Variants in RBFOX1 observed in about 807,000 individuals in gnomAD.
The protein encoded by RBFOX1 is RNA binding fox-1 homolog 1, also known as RNA binding protein fox-1 homolog 1.
In RBFOX1, 8 loss-of-function variants were observed where a neutral mutation model predicts 57.7. The ratio of observed to expected loss-of-function variants is 0.14; its 90% CI spans 0.08 to 0.25. The LOEUF (loss-of-function observed/expected upper bound fraction) is 0.25. Among genes scored for constraint, RBFOX1 ranks in the 10% least tolerant of loss-of-function variants. The pLI is 1.00. For synonymous variants in RBFOX1, 326 were observed against 222.4 expected (o/e 1.47, Z -4.15); for missense variants, 611 against 548.5 (o/e 1.11, Z -1.14).
intron 1 of RBFOX1, among the ~76,000 whole-genome samples, chr16:5,342,115 C>A (rs955538246): frequency 2.0e-5 from 3 of 152,136 alleles, no homozygotes; most frequent in African/African-American, 7.2e-5. Flanking sequence ...ACCTGTTGAC[C>A]TATTGGAGAG....
chr16:6,680,274 CTTTTTT>C (rs1180378585), intron 3 of RBFOX1, among the ~76,000 whole-genome samples: 18 of 88,934 alleles, frequency 2.0e-4, no homozygotes, highest in East Asian at 3.2e-4. Context: ...TTCTCTCTCT[CTTTTTT>C]TTTTTTTTTT....
chr16:6,479,050 G>C (rs2153092658), intron 2 of RBFOX1, among the ~76,000 whole-genome samples: 1 of 152,306 alleles, frequency 6.6e-6, no homozygotes, highest in South Asian at 2.1e-4. Context: ...TATCTGCAAA[G>C]CATGATAAAG....
At chr16:6,809,681 G>C (rs991963248) in intron 3 of RBFOX1, among the ~76,000 whole-genome samples, 3 of 152,160 alleles carry the variant, frequency 2.0e-5, no homozygotes, top group African/African-American at 7.2e-5. Flanking sequence ...GGTGAGATAC[G>C]TAGAGCTGCA....
chr16:5,658,301 A>G (rs1299662910), intron 3 of RBFOX1, among the ~76,000 whole-genome samples: 6 of 152,158 alleles, frequency 3.9e-5, no homozygotes, highest in Admixed American at 3.9e-4. Context: ...ATCCTGAGCC[A>G]AGGGGAGCAA....
At chr16:7,585,508 A>G (rs2094060124) in intron 6 of RBFOX1, among the ~76,000 whole-genome samples, 1 of 152,188 alleles carries the variant, frequency 6.6e-6, no homozygotes, top group Admixed American at 6.5e-5. Context: ...TTCTCTGAAC[A>G]GAAGTGCTGG....
intron 4 of RBFOX1, among the ~76,000 whole-genome samples, chr16:5,971,451 T>C (rs890821578): frequency 2.6e-5 from 4 of 152,150 alleles, no homozygotes; most frequent in Non-Finnish European, 5.9e-5. Context: ...TTGTTTTTGT[T>C]TTTTTCCCCC....
chr16:6,811,054 C>T (rs1452557053), intron 3 of RBFOX1, among the ~76,000 whole-genome samples: 1 of 152,150 alleles, frequency 6.6e-6, no homozygotes, highest in East Asian at 1.9e-4. Context: ...ATAAGATACC[C>T]CGAAAAACAC....
chr16:6,239,267 C>G (rs1003653222), intron 1 of RBFOX1, among the ~76,000 whole-genome samples: 1 of 152,018 alleles, frequency 6.6e-6, no homozygotes, highest in East Asian at 1.9e-4. Flanking sequence ...TTAATCTCCC[C>G]TCGCAGACTT....
At chr16:5,449,636 G>C (rs1285768878) in intron 1 of RBFOX1, among the ~76,000 whole-genome samples, 2 of 152,018 alleles carry the variant, frequency 1.3e-5, no homozygotes, top group Non-Finnish European at 2.9e-5. Context: ...TTGAGACAGG[G>C]TTTCTCTCGG....
intron 2 of RBFOX1, among the ~76,000 whole-genome samples, chr16:6,375,253 A>T (rs1299181695): frequency 3.3e-5 from 5 of 152,030 alleles, no homozygotes; most frequent in African/African-American, 9.7e-5. Context: ...TCATTCTCTG[A>T]TGTCTTTTAT....
intron 2 of RBFOX1, among the ~76,000 whole-genome samples, chr16:6,619,708 T>A (rs1249314019): frequency 3.1e-5 from 4 of 130,318 alleles, no homozygotes; most frequent in Non-Finnish European, 6.6e-5. Context: ...TTTTTTTTTT[T>A]AATAACTTTC....
At chr16:7,693,243 C>T in intron 14 of RBFOX1, 1 of 1,324,448 alleles carries the variant, frequency 7.6e-7, no homozygotes, top group African/African-American at 1.4e-5. Context: ...CATCTGTACA[C>T]ATCGAAGCAA....
intron 4 of RBFOX1, among the ~76,000 whole-genome samples, chr16:7,148,730 G>T (rs1567459030): frequency 6.6e-6 from 1 of 152,190 alleles, no homozygotes; most frequent in Admixed American, 6.5e-5. Flanking sequence ...TGAGGCAATC[G>T]TTTGAGCAGA....
intron 4 of RBFOX1, among the ~76,000 whole-genome samples, chr16:7,420,257 C>T (rs1158573043): frequency 1.3e-5 from 2 of 152,140 alleles, no homozygotes; most frequent in Non-Finnish European, 2.9e-5. Context: ...AATAGCCTCT[C>T]GTCCTATTAG....
At chr16:6,857,943 T>A (rs918353432) in intron 3 of RBFOX1, among the ~76,000 whole-genome samples, 2 of 152,182 alleles carry the variant, frequency 1.3e-5, no homozygotes, top group African/African-American at 4.8e-5. Context: ...TTTTTAAGCA[T>A]CAAGACAATA....
intron 3 of RBFOX1, among the ~76,000 whole-genome samples, chr16:6,824,623 T>G (rs910111990): frequency 1.3e-5 from 2 of 152,178 alleles, no homozygotes; most frequent in Non-Finnish European, 2.9e-5. Flanking sequence ...CAGATTACTC[T>G]GAAGAGAAAA....
intron 2 of RBFOX1, among the ~76,000 whole-genome samples, chr16:5,513,068 A>G (rs1418404038): frequency 6.6e-6 from 1 of 152,012 alleles, no homozygotes. Context: ...GGCGTGCACT[A>G]CCATGCATAG....
chr16:7,095,619 T>C (rs559676376), intron 4 of RBFOX1, among the ~76,000 whole-genome samples: 68 of 152,364 alleles, frequency 4.5e-4, no homozygotes, highest in African/African-American at 1.5e-3. Context: ...GATGTCATGA[T>C]ACATACCAGG....
intron 2 of RBFOX1, among the ~76,000 whole-genome samples, chr16:5,527,718 C>T (rs1298283091): frequency 1.3e-5 from 2 of 152,044 alleles, no homozygotes; most frequent in African/African-American, 2.4e-5. Flanking sequence ...AGATTTAAGC[C>T]CTCTAAGTAG....
Sources: gnomAD v4.1 joint callset for allele counts (sites outside exome capture counted in the v4.1 genomes callset) on GRCh38, gnomAD v4.1.1 for gene constraint, MANE v1.5 for transcripts, NCBI Gene and HGNC (gene_info 2026-07-23, HGNC 2026-07-21) for gene names.